Variants in KANSL1 observed in about 807,000 individuals in gnomAD.
KANSL1 encodes MLL1/MLL complex subunit KANSL1.
KANSL1 carries 22 observed loss-of-function variants against 103.6 expected under a neutral mutation model. The observed-to-expected ratio is 0.21, with a 90% CI of 0.15 to 0.30. The LOEUF (loss-of-function observed/expected upper bound fraction) is 0.30. Among genes scored for constraint, KANSL1 ranks in the 10% least tolerant of loss-of-function variants. The pLI, the probability that KANSL1 is intolerant of heterozygous loss-of-function variation, is 1.00. For missense variants in KANSL1, 1,337 were observed against 1,399.8 expected (o/e 0.96, Z 0.72); for synonymous variants, 600 against 527.6 (o/e 1.14, Z -1.88).
chr17:46,149,329 C>T (rs988713586), intron 2 of KANSL1, among the ~76,000 whole-genome samples: 1 of 152,226 alleles, frequency 6.6e-6, no homozygotes, highest in Non-Finnish European at 1.5e-5. Context: ...AGGGCTATCA[C>T]AATTCTGGCC....
chr17:46,136,764 CA>C (rs2044165519), intron 2 of KANSL1, among the ~76,000 whole-genome samples: 1 of 152,048 alleles, frequency 6.6e-6, no homozygotes, highest in African/African-American at 2.4e-5. Flanking sequence ...TAAATAAAAC[CA>C]AAAGAAGAAA....
chr17:46,130,064 T>C (rs2043774469), intron 2 of KANSL1, among the ~76,000 whole-genome samples: 1 of 146,616 alleles, frequency 6.8e-6, no homozygotes, highest in Non-Finnish European at 1.5e-5. Flanking sequence ...CATGTGCCTG[T>C]AGTCCCAGAT....
intron 2 of KANSL1, among the ~76,000 whole-genome samples, chr17:46,097,747 T>C (rs2042146861): frequency 6.6e-6 from 1 of 152,078 alleles, no homozygotes; most frequent in South Asian, 2.1e-4. Context: ...ATACACACAC[T>C]CACTGCTAAA....
intron 2 of KANSL1, chr17:46,170,138 G>C (rs544326750): frequency 6.6e-6 from 1 of 152,320 alleles, no homozygotes; most frequent in East Asian, 1.9e-4. Context: ...CGACAGAGCG[G>C]AACTGTCTCA....
At chr17:46,214,797 G>C (rs961388265) in intron 1 of KANSL1, among the ~76,000 whole-genome samples, 19 of 152,370 alleles carry the variant, frequency 1.2e-4, no homozygotes, top group African/African-American at 4.6e-4. Flanking sequence ...GTCTGCATAT[G>C]CACACTCACA....
chr17:46,069,863 T>C (rs1233444199), intron 4 of KANSL1, among the ~76,000 whole-genome samples: 1 of 152,110 alleles, frequency 6.6e-6, no homozygotes, highest in Admixed American at 6.5e-5. Context: ...AGACAAGTCA[T>C]ATAAGTATGC....
At chr17:46,175,094 C>G (rs978001657) in intron 1 of KANSL1, among the ~76,000 whole-genome samples, 2 of 152,142 alleles carry the variant, frequency 1.3e-5, no homozygotes, top group African/African-American at 4.8e-5. Flanking sequence ...CTAAGCACCC[C>G]CCTCCCTGCC....
chr17:46,127,175 A>T (rs1195175589), intron 2 of KANSL1, among the ~76,000 whole-genome samples: 1 of 152,256 alleles, frequency 6.6e-6, no homozygotes, highest in Non-Finnish European at 1.5e-5. Flanking sequence ...CCTCACAATT[A>T]CAGTAAGGAT....
chr17:46,210,481 A>C (rs1180787645), intron 1 of KANSL1, among the ~76,000 whole-genome samples: 1 of 494 alleles, frequency 2.0e-3, no homozygotes, highest in Non-Finnish European at 4.3e-3. Flanking sequence ...TCAAAAAAAA[A>C]AAAAAAAAAA....
intron 2 of KANSL1, among the ~76,000 whole-genome samples, chr17:46,106,078 G>T (rs1328438710): frequency 6.6e-6 from 1 of 152,200 alleles, no homozygotes; most frequent in Non-Finnish European, 1.5e-5. Context: ...AAGAATGAGA[G>T]AATTTTAATA....
At chr17:46,174,425 C>T (rs1025240005) in intron 1 of KANSL1, among the ~76,000 whole-genome samples, 1 of 152,216 alleles carries the variant, frequency 6.6e-6, no homozygotes, top group Non-Finnish European at 1.5e-5. Context: ...CCTCATGATC[C>T]GCCCACCTCG....
At chr17:46,170,776 C>A (rs1043631333) in intron 2 of KANSL1, 79 bp downstream of exon 2, 1 of 1,411,204 alleles carries the variant, frequency 7.1e-7, no homozygotes. Flanking sequence ...GAATCACATT[C>A]TCTCCATAAT....
chr17:46,055,115 C>G (rs963654139), intron 6 of KANSL1, among the ~76,000 whole-genome samples: 2 of 151,718 alleles, frequency 1.3e-5, no homozygotes, highest in African/African-American at 4.8e-5. Context: ...TCCCAAAGTG[C>G]TGGGATTACA....
At chr17:46,123,314 T>C (rs1230815833) in intron 2 of KANSL1, among the ~76,000 whole-genome samples, 1 of 152,094 alleles carries the variant, frequency 6.6e-6, no homozygotes, top group Non-Finnish European at 1.5e-5. Context: ...GAGGCAGAGG[T>C]TGCAGTGAGC....
chr17:46,224,186 AATC>A (rs1344419668), upstream of KANSL1, among the ~76,000 whole-genome samples: 1 of 152,254 alleles, frequency 6.6e-6, no homozygotes, highest in African/African-American at 2.4e-5. Context: ...AAACTTCTCT[AATC>A]ATCCCGACTG....
intron 2 of KANSL1, among the ~76,000 whole-genome samples, chr17:46,108,609 G>C (rs1299063417): frequency 2.0e-5 from 3 of 152,162 alleles, no homozygotes; most frequent in Non-Finnish European, 4.4e-5. Context: ...TGGGTGCTTG[G>C]AACAATGCCT....
chr17:46,054,884 G>A (rs1053934818), intron 6 of KANSL1, among the ~76,000 whole-genome samples: 7 of 145,552 alleles, frequency 4.8e-5, no homozygotes, highest in African/African-American at 7.6e-5. Flanking sequence ...ATGGAGTCTC[G>A]CTGTCGCCCA....
chr17:46,039,140 A>G lies in KANSL1; in HGVS notation c.2279T>C (p.Val760Ala), dbSNP rs1247315837. ...HLDDVGAVPM[V>A]ERVTAPKAER... Reference sequence around the variant, plus strand: ...TGCTTTTGGCGCTGTCACTCGCTCCACCATGGGCACGGCCCCCACATCGTC... The same window carrying G: ...TGCTTTTGGCGCTGTCACTCGCTCCGCCATGGGCACGGCCCCCACATCGTC... Residue 760 changes from valine to alanine, a missense_variant, in exon 9 of 15, where the codon GTG (valine) becomes GCG (alanine). Physicochemically the swap from Val to Ala is moderately conservative, Grantham distance 64 (BLOSUM62 0). This residue lies in a region of KANSL1 where 780 missense variants were observed against 923.4 expected (regional missense o/e 0.84). Transcript: ENST00000432791. The G allele has an allele frequency of 6.2e-7, 1 of 1,612,022 alleles. No homozygotes were observed. The highest frequency in any genetic ancestry group is 8.5e-7 in the Non-Finnish European group (1 of 1,179,578).
intron 2 of KANSL1, among the ~76,000 whole-genome samples, chr17:46,131,215 T>C (rs957342917): frequency 1.3e-5 from 2 of 152,196 alleles, no homozygotes; most frequent in Non-Finnish European, 2.9e-5. Context: ...CCTTCTACAA[T>C]GAATAAAAAT....
Sources: gnomAD v4.1 joint callset for allele counts (sites outside exome capture counted in the v4.1 genomes callset) on GRCh38, gnomAD v4.1.1 for gene constraint, gnomAD v4.1.1 regional missense constraint, MANE v1.5 for transcripts, NCBI Gene and HGNC (gene_info 2026-07-23, HGNC 2026-07-21) for gene names.